The following SYT13 variants were observed in gnomAD, a reference collection of about 807,000 sequenced individuals.
SYT13 encodes synaptotagmin-13.
Under a neutral mutation model 38.6 loss-of-function variants are expected in SYT13, and 21 were observed. The observed-to-expected ratio is 0.54, with a 90% CI of 0.39 to 0.78. SYT13 has a LOEUF of 0.78. SYT13 is among the 30% of genes least tolerant of loss of function. The pLI, the probability that SYT13 is intolerant of heterozygous loss-of-function variation, is 0.00. For missense variants in SYT13, 495 were observed against 548.7 expected (o/e 0.90, Z 0.98); for synonymous variants, 241 against 237.6 (o/e 1.01, Z -0.13).
chr11:45,243,907 CAA>C lies in SYT13; in HGVS notation c.*143_*144del. ...CTCTGTCTTGCTTATTTCTAAGAAACAAGAGTATGATGAGAGAGCCATCCCAG... is the reference window on the plus strand; with the variant it reads ...CTCTGTCTTGCTTATTTCTAAGAAACGAGTATGATGAGAGAGCCATCCCAG... On this transcript the variant is annotated 3_prime_UTR_variant, in exon 6 of 6. Transcript: ENST00000020926. 4.9e-6 allele frequency: 4 copies of C among 823,308 alleles called. No homozygotes were observed. In the South Asian group the frequency reaches 6.9e-5, roughly 14 times the overall value. 51.0% of individuals were successfully genotyped at this position (823,308 alleles called of 1,614,324 possible).
intron 1 of SYT13, among the ~76,000 whole-genome samples, chr11:45,280,663 C>T (rs972860441): frequency 2.6e-5 from 4 of 152,166 alleles, no homozygotes; most frequent in Admixed American, 1.3e-4. Flanking sequence ...TTCCTGTCCC[C>T]CAGGGTAACA....
intron 1 of SYT13, among the ~76,000 whole-genome samples, chr11:45,270,504 A>G (rs1472004324): frequency 6.6e-6 from 1 of 152,216 alleles, no homozygotes; most frequent in East Asian, 1.9e-4. Context: ...GCCAACTGCT[A>G]TAACCATTAT....
chr11:45,285,839 C>A lies in SYT13; in HGVS notation c.183+186G>T. The A allele has an allele frequency of 4.7e-6, 3 of 641,914 alleles. 1 individual carries two copies. Among genetic ancestry groups the A allele is most frequent in the Non-Finnish European group, 8.5e-6 (3 of 352,576 alleles). The allele number at this position is 641,914 out of a possible 1,614,324, so 39.8% of individuals were successfully genotyped here. ...TCCTTCAGGTCTCGTCTCCCCCATCCCCTAGCCTCCCCCATCCCCCTACCT... is the reference window on the plus strand; with the variant it reads ...TCCTTCAGGTCTCGTCTCCCCCATCACCTAGCCTCCCCCATCCCCCTACCT... On this transcript the variant is annotated intron_variant, in intron 1 of 5. Coordinates refer to ENST00000020926, the MANE Select transcript of SYT13 (RefSeq NM_020826.3).
chr11:45,246,551 T>G, intron 4 of SYT13, 39 bp from the exon 5 acceptor site: 1 of 1,606,560 alleles, frequency 6.2e-7, no homozygotes. Context: ...GAGTCTCACC[T>G]GGGGACGCCT....
chr11:45,267,461 C>T (rs1029132588), intron 1 of SYT13, among the ~76,000 whole-genome samples: 1 of 152,104 alleles, frequency 6.6e-6, no homozygotes, highest in African/African-American at 2.4e-5. Flanking sequence ...AGTTCAGATT[C>T]CCAGGCCCCC....
intron 1 of SYT13, among the ~76,000 whole-genome samples, chr11:45,261,502 G>C (rs1465034656): frequency 1.3e-5 from 2 of 152,134 alleles, no homozygotes; most frequent in Non-Finnish European, 2.9e-5. Flanking sequence ...GGAGGCTAAG[G>C]CAGAAGAATG....
chr11:45,248,490 T>C (rs1225112788), intron 4 of SYT13, among the ~76,000 whole-genome samples: 1 of 152,210 alleles, frequency 6.6e-6, no homozygotes, highest in African/African-American at 2.4e-5. Context: ...AGGCAGGAAG[T>C]GGCAAAACCA....
Position 45,244,287 on chromosome 11 carries a change from T to C in SYT13, c.1046A>G (p.Lys349Arg). Residue 349 changes from lysine to arginine, a missense_variant, in exon 6 of 6, where the codon AAG becomes AGG. Lys to Arg is a conservative substitution (Grantham distance 26, BLOSUM62 2). Transcript: ENST00000020926. Reference protein sequence around the residue: ...KLKKKQTKRAKHKINPVWNEM... With the variant: ...KLKKKQTKRARHKINPVWNEM... ...GTTCCACACGGGGTTGATCTTGTGCTTAGCTCGTTTAGTCTGCTTCTTCTT... is the reference window on the plus strand; with the variant it reads ...GTTCCACACGGGGTTGATCTTGTGCCTAGCTCGTTTAGTCTGCTTCTTCTT... The C allele has an allele frequency of 6.2e-7, 1 of 1,614,042 alleles. No homozygotes were observed. Among genetic ancestry groups the C allele is most frequent in the African/African-American group, 1.3e-5 (1 of 75,052 alleles).
chr11:45,246,339 C>A, intron 5 of SYT13, 44 bp downstream of exon 5: 1 of 1,605,312 alleles, frequency 6.2e-7, no homozygotes, highest in South Asian at 1.1e-5. Context: ...CACACACTCC[C>A]GGTAGCTGGA....
intron 1 of SYT13, among the ~76,000 whole-genome samples, chr11:45,260,714 T>C (rs1854804269): frequency 6.6e-6 from 1 of 152,180 alleles, no homozygotes; most frequent in Non-Finnish European, 1.5e-5. Flanking sequence ...GTTCTTGGCA[T>C]TGCATGCACA....
intron 4 of SYT13, among the ~76,000 whole-genome samples, chr11:45,248,166 G>A (rs1280215577): frequency 6.6e-6 from 1 of 152,192 alleles, no homozygotes; most frequent in Admixed American, 6.5e-5. Flanking sequence ...GTCATATGAA[G>A]AAATGATTTG....
rs536189883 is a variant in SYT13 at position 45,265,683 on chromosome 11, A to G, written c.184-9792T>C. On this transcript the variant is annotated intron_variant, in intron 1 of 5. Coordinates refer to ENST00000020926, the MANE Select transcript of SYT13 (RefSeq NM_020826.3). Reference sequence around the variant, plus strand: ...CTTCAAGGGCACTAATCCCATCATGAGGGCTTTACCCTCATGACCTGATCA... The same window carrying G: ...CTTCAAGGGCACTAATCCCATCATGGGGGCTTTACCCTCATGACCTGATCA... Among the ~76,000 whole-genome samples, 3 of 152,246 alleles carry G rather than the reference A, an allele frequency of 2.0e-5. No homozygotes were observed. The South Asian group carries it at 6.2e-4, about 32-fold the overall frequency.
intron 1 of SYT13, among the ~76,000 whole-genome samples, chr11:45,261,643 C>T (rs779580845): frequency 2.0e-5 from 3 of 150,330 alleles, no homozygotes; most frequent in Non-Finnish European, 1.5e-5. Flanking sequence ...TAGCCAGCCA[C>T]GGTGACTCAT....
At chr11:45,258,846 C>T (rs915911669) in intron 1 of SYT13, among the ~76,000 whole-genome samples, 1 of 152,074 alleles carries the variant, frequency 6.6e-6, no homozygotes. Flanking sequence ...ACACACAGAG[C>T]GATGACTAAT....
At chr11:45,259,243 G>A (rs1345839666) in intron 1 of SYT13, among the ~76,000 whole-genome samples, 1 of 152,126 alleles carries the variant, frequency 6.6e-6, no homozygotes, top group African/African-American at 2.4e-5. Context: ...ACCCTCTACT[G>A]TCACTTGGTT....
At chr11:45,259,961 C>T (rs1164600289) in intron 1 of SYT13, among the ~76,000 whole-genome samples, 3 of 152,236 alleles carry the variant, frequency 2.0e-5, no homozygotes, top group South Asian at 2.1e-4. Context: ...TTTCAAGTTA[C>T]GTGAGTAGTA....
At position 45,246,400 on chromosome 11, in the gene SYT13, T is replaced by C. The variant is rs765003883; in HGVS notation, c.959A>G (p.Lys320Arg). The C allele has an allele frequency of 9.3e-6, 15 of 1,613,844 alleles. No individual in the cohort carries two copies. Among genetic ancestry groups the C allele is most frequent in the South Asian group, 7.7e-5 (7 of 91,066 alleles). ...TCACTCACCCTTCCCCAGGAGCTCC[T>C]TGGACTGGTTAGAGTGGAGGTTCTT... ...KAKNLHSNQS[K>R]ELLGKDVSVK... The change falls in exon 5 of 6, where the codon AAG becomes AGG. Residue 320 changes from lysine to arginine, a missense_variant. Coordinates refer to ENST00000020926, the MANE Select transcript of SYT13 (RefSeq NM_020826.3).
chr11:45,261,711 T>C (rs1186596090), intron 1 of SYT13, among the ~76,000 whole-genome samples: 1 of 151,540 alleles, frequency 6.6e-6, no homozygotes, highest in Non-Finnish European at 1.5e-5. Context: ...AGGTCAGGAG[T>C]TCCAGACCAG....
chr11:45,258,604 A>G (rs1854776230), intron 1 of SYT13: 2 of 152,222 alleles, frequency 1.3e-5, no homozygotes, highest in African/African-American at 2.4e-5. Context: ...CTGGACCACA[A>G]TACAGAAGCA....
Sources: gnomAD v4.1 joint callset for allele counts (sites outside exome capture counted in the v4.1 genomes callset) on GRCh38, gnomAD v4.1.1 for gene constraint, MANE v1.5 for transcripts, NCBI Gene and HGNC (gene_info 2026-07-23, HGNC 2026-07-21) for gene names.